The following MALRD1 variants were observed in gnomAD, a reference collection of about 807,000 sequenced individuals.
MALRD1 encodes the protein MAM and LDL receptor class A domain containing 1.
Under a neutral mutation model 242.1 loss-of-function variants are expected in MALRD1, and 247 were observed. That is an observed-to-expected ratio of 1.02 (90% CI 0.92 to 1.13). The LOEUF (loss-of-function observed/expected upper bound fraction) is 1.13, where lower values mean the gene tolerates loss of function less well. MALRD1 is among the 50% of genes most tolerant of loss of function. The pLI, the probability that MALRD1 is intolerant of heterozygous loss-of-function variation, is 0.00. For missense variants in MALRD1, 2,989 were observed against 2,533.1 expected, an observed-to-expected ratio of 1.18 and a Z score of -3.86; for synonymous variants, 995 against 866.6, an observed-to-expected ratio of 1.15 and a Z score of -2.60.
chr10:19,304,971 A>T lies in MALRD1; in HGVS notation c.3420-18978A>T, dbSNP rs906559659. On this transcript the variant is annotated intron_variant, in intron 21 of 39. Coordinates refer to ENST00000454679, the MANE Select transcript of MALRD1 (RefSeq NM_001142308.3). ...TAGAACCCTTCCCTCATCAACCAAA[A>T]AGTATTGACAAAGCATCCCCAATCA... Among the ~76,000 whole-genome samples, 4 of 151,674 alleles carry T rather than the reference A, an allele frequency of 2.6e-5. No individual in the cohort carries two copies. The Admixed American group carries it at 2.6e-4, about 10-fold the overall frequency.
In MALRD1 at chr10:19,331,426, A is replaced by G. The variant is rs1390242202; in HGVS notation, c.3745A>G (p.Ile1249Val). The G allele has an allele frequency of 1.9e-6, 3 of 1,550,468 alleles. No homozygotes were observed. Among genetic ancestry groups the G allele is most frequent in the Non-Finnish European group, 1.7e-6 (2 of 1,146,860 alleles). The change falls in exon 24 of 40, where the codon ATT becomes GTT. Residue 1249 changes from isoleucine (I) to valine (V), a missense_variant. Transcript: ENST00000454679. ...SYIGDVAVDD[I>V]SFQDCSPLLS... ...CATAGGAGATGTAGCAGTGGATGAT[A>G]TTTCCTTCCAAGATTGCTCCCCTTT... is the stretch of plus-strand genomic sequence containing the variant.
Position 19,217,015 on chromosome 10 carries a change from A to G in MALRD1, c.2991+7335A>G, listed in dbSNP as rs182046117. Among the ~76,000 whole-genome samples, 3 of 152,254 alleles carry G rather than the reference A, an allele frequency of 2.0e-5. No individual in the cohort carries two copies. In the East Asian group the frequency reaches 5.8e-4, roughly 29 times the overall value. ...TGGAGAGGCCAAACCAATGGCTCTT[A>G]TATACACGTTCTTTCTTCTAAATGA... On this transcript the variant is annotated intron_variant, in intron 18 of 39. Transcript: ENST00000454679.
At chr10:19,306,532 A>G (rs561874510) in intron 21 of MALRD1, among the ~76,000 whole-genome samples, 63 of 147,376 alleles carry the variant, frequency 4.3e-4, no homozygotes, top group African/African-American at 1.2e-3. Flanking sequence ...TGTCGTATAT[A>G]TACTGTGTAT....
At chr10:19,114,156 T>C (rs912829754) in intron 5 of MALRD1, among the ~76,000 whole-genome samples, 4 of 152,180 alleles carry the variant, frequency 2.6e-5, no homozygotes, top group African/African-American at 9.7e-5. Context: ...TATTTCTAGG[T>C]TTTTGTTTTA....
Position 19,128,229 on chromosome 10 carries a change from G to A in MALRD1, c.952G>A (p.Val318Ile), listed in dbSNP as rs1213569769. 2.4e-6 allele frequency: 3 copies of A among 1,233,208 alleles called. No homozygotes were observed. The East Asian group carries it at 9.5e-5, about 39-fold the overall frequency. 76.4% of individuals were successfully genotyped at this position (1,233,208 alleles called of 1,614,324 possible). ...DQGGDDEGYY[V>I]WVGAKHGFTL... ...TTTCTTTTATCTTTCAGGTTATTAT[G>A]TATGGGTAGGCGCTAAGCATGGTTT... The change falls in exon 8 of 40, where the codon GTA (valine) becomes ATA (isoleucine). Residue 318 changes from valine (V) to isoleucine (I), a missense_variant. Coordinates refer to ENST00000454679, the MANE Select transcript of MALRD1 (RefSeq NM_001142308.3).
rs1239936661 is a variant in MALRD1 at position 19,315,614 on chromosome 10, T to A, written c.3420-8335T>A. Among the ~76,000 whole-genome samples, 36 of 106,224 alleles carry A rather than the reference T, an allele frequency of 3.4e-4. 1 individual carries two copies. In the East Asian group the frequency reaches 8.8e-3, roughly 26 times the overall value. 69.7% of individuals were successfully genotyped at this position (106,224 alleles called of 152,430 possible). On this transcript the variant is annotated intron_variant, in intron 21 of 39. Coordinates refer to ENST00000454679, the MANE Select transcript of MALRD1 (RefSeq NM_001142308.3). ...AAATATTTATATAAATTATAAATAT[T>A]TATATAAATTATAAATATTATTTAT...
intron 32 of MALRD1, among the ~76,000 whole-genome samples, chr10:19,535,567 A>G (rs553889694): frequency 1.3e-5 from 2 of 150,736 alleles, no homozygotes; most frequent in East Asian, 1.9e-4. Flanking sequence ...ATGTACATAT[A>G]TGTATATACG....
chr10:19,725,396 G>T (rs1239600635), intron 38 of MALRD1, among the ~76,000 whole-genome samples: 1 of 152,102 alleles, frequency 6.6e-6, no homozygotes, highest in Non-Finnish European at 1.5e-5. Context: ...GGGCATATTT[G>T]CTTCCCCTTC....
Position 19,732,125 on chromosome 10 carries a change from A to G in MALRD1, c.6390+1344A>G, listed in dbSNP as rs371708844. On this transcript the variant is annotated intron_variant, in intron 39 of 39. Coordinates refer to ENST00000454679, the MANE Select transcript of MALRD1 (RefSeq NM_001142308.3). ...TTCGACAAGTAAATCAAGACAGAGT[A>G]AAAATGAAAAGGGAGACCTACTTCA... is the stretch of plus-strand genomic sequence containing the variant. Among the ~76,000 whole-genome samples, 5 of 152,236 alleles carry G rather than the reference A, an allele frequency of 3.3e-5. No individual in the cohort carries two copies. In the East Asian group the frequency reaches 9.6e-4, roughly 29 times the overall value.
chr10:19,234,632 T>TAA (rs11370975), intron 18 of MALRD1, among the ~76,000 whole-genome samples: 273 of 151,018 alleles, frequency 1.8e-3, no homozygotes, highest in African/African-American at 3.4e-3. Flanking sequence ...AGCTTATCTT[T>TAA]AAAAAAAAAG....
chr10:19,699,030 G>A (rs1361891169), intron 38 of MALRD1, among the ~76,000 whole-genome samples: 3 of 152,062 alleles, frequency 2.0e-5, no homozygotes, highest in East Asian at 1.9e-4. Flanking sequence ...ATCACACACC[G>A]GGGCCTGTTG....
intron 21 of MALRD1, among the ~76,000 whole-genome samples, chr10:19,301,658 A>G (rs1841954389): frequency 6.6e-6 from 1 of 151,836 alleles, no homozygotes; most frequent in South Asian, 2.1e-4. Flanking sequence ...TGGGAACTAA[A>G]CATTGAGTAC....
At chr10:19,502,010 C>A in intron 31 of MALRD1, among the ~76,000 whole-genome samples, 1 of 64,826 alleles carries the variant, frequency 1.5e-5, no homozygotes, top group South Asian at 4.6e-4. Flanking sequence ...AAGATTCTGT[C>A]TCAAAAAAAA....
intron 21 of MALRD1, among the ~76,000 whole-genome samples, chr10:19,321,024 C>G (rs575346080): frequency 6.6e-6 from 1 of 152,126 alleles, no homozygotes; most frequent in Non-Finnish European, 1.5e-5. Context: ...TGTAGGTTGC[C>G]TGTTCACTCT....
chr10:19,713,903 C>G (rs1190130748), intron 38 of MALRD1, among the ~76,000 whole-genome samples: 1 of 152,182 alleles, frequency 6.6e-6, no homozygotes, highest in African/African-American at 2.4e-5. Flanking sequence ...CTTTATTGCT[C>G]TTGCAGAGCA....
chr10:19,455,452 A>G (rs1162689364), intron 29 of MALRD1, among the ~76,000 whole-genome samples: 1 of 152,190 alleles, frequency 6.6e-6, no homozygotes, highest in Non-Finnish European at 1.5e-5. Flanking sequence ...TGTTAGTCCT[A>G]GCTTACCCAT....
chr10:19,536,302 C>T (rs1834670415), intron 32 of MALRD1, among the ~76,000 whole-genome samples: 1 of 151,824 alleles, frequency 6.6e-6, no homozygotes, highest in South Asian at 2.1e-4. Context: ...GCCATGCTTC[C>T]TTAGTTCCAG....
At position 19,283,127 on chromosome 10, in the gene MALRD1, G is replaced by C. The variant is rs1362169780; in HGVS notation, c.3365G>C (p.Gly1122Ala). Residue 1122 changes from glycine (G) to alanine (A), a missense_variant, in exon 21 of 40, where the codon GGG becomes GCG. Coordinates refer to ENST00000454679, the MANE Select transcript of MALRD1 (RefSeq NM_001142308.3). ...SNTFRWGLGN[G>A]ISIHHGEENH... Reference sequence around the variant, plus strand: ...ACATTCAGGTGGGGGCTTGGGAACGGGATCAGCATTCATCATGGGGAAGAA... The same window carrying C: ...ACATTCAGGTGGGGGCTTGGGAACGCGATCAGCATTCATCATGGGGAAGAA... 5 of 1,549,624 alleles carry C rather than the reference G, an allele frequency of 3.2e-6. No homozygotes were observed. The Admixed American group carries it at 9.8e-5, about 30-fold the overall frequency.
At chr10:19,564,916 A>G (rs1836183836) in intron 32 of MALRD1, among the ~76,000 whole-genome samples, 2 of 152,204 alleles carry the variant, frequency 1.3e-5, no homozygotes, top group South Asian at 4.1e-4. Flanking sequence ...CTCATTAGAC[A>G]TAATGAATAA....
Sources: gnomAD v4.1 joint callset for allele counts (sites outside exome capture counted in the v4.1 genomes callset) on GRCh38, gnomAD v4.1.1 for gene constraint, MANE v1.5 for transcripts, NCBI Gene and HGNC (gene_info 2026-07-23, HGNC 2026-07-21) for gene names.